The following EAF2 variants were observed in gnomAD, a reference collection of about 807,000 sequenced individuals.
EAF2 encodes ELL-associated factor 2.
In EAF2, 29 loss-of-function variants were observed where a neutral mutation model predicts 29.4. The observed-to-expected ratio is 0.99, with a 90% CI of 0.73 to 1.35. The LOEUF is 1.35. EAF2 is among the 40% of genes most tolerant of loss of function. The probability of loss-of-function intolerance (pLI) is 0.00; values close to 1 mark genes in which losing one functional copy is unlikely to be tolerated. For synonymous variants in EAF2, 103 were observed against 102.5 expected (o/e 1.00, Z -0.03); for missense variants, 292 against 312.0 (o/e 0.94, Z 0.48).
chr3:121,871,734 A>G (rs1709017971), intron 4 of EAF2, among the ~76,000 whole-genome samples: 1 of 152,000 alleles, frequency 6.6e-6, no homozygotes, highest in Admixed American at 6.6e-5. Context: ...TTATTCACTT[A>G]GCATTTTTTG....
intron 2 of EAF2, among the ~76,000 whole-genome samples, chr3:121,853,350 G>A (rs1020530270): frequency 1.3e-5 from 2 of 152,138 alleles, no homozygotes; most frequent in African/African-American, 4.8e-5. Context: ...TTTCTACATT[G>A]TATTTGAATA....
chr3:121,882,647 C>T (rs1286523555), intron 5 of EAF2, among the ~76,000 whole-genome samples: 1 of 151,942 alleles, frequency 6.6e-6, no homozygotes, highest in Non-Finnish European at 1.5e-5. Context: ...TGTAAATTAT[C>T]TACATAGGAA....
intron 4 of EAF2, among the ~76,000 whole-genome samples, chr3:121,867,488 TA>T (rs909701328): frequency 6.6e-6 from 1 of 152,188 alleles, no homozygotes; most frequent in African/African-American, 2.4e-5. Flanking sequence ...AGGAGTGGCA[TA>T]ATATATTTCA....
chr3:121,836,413 T>C (rs1708284904), intron 1 of EAF2, among the ~76,000 whole-genome samples: 1 of 152,240 alleles, frequency 6.6e-6, no homozygotes, highest in African/African-American at 2.4e-5. Context: ...AATTAAAGCA[T>C]ACATTCTCCC....
At chr3:121,884,321 CAA>C (rs1199833589) in intron 5 of EAF2, among the ~76,000 whole-genome samples, 1 of 93,366 alleles carries the variant, frequency 1.1e-5, no homozygotes. Flanking sequence ...GCCTGGGTGA[CAA>C]GAGTGAAACT....
rs376595504 is a variant in EAF2, at chr3:121,844,487, T to C, written c.141T>C (p.Ser47=). The C allele has an allele frequency of 3.7e-6, 6 of 1,610,340 alleles. No homozygotes were observed. In the African/African-American group the frequency reaches 5.4e-5, roughly 14 times the overall value. ...AACCTGCTTCTATTGACACTTCTTC[T>C]GAAGGATACCTTGAGGTTGGTGAAG... is the stretch of plus-strand genomic sequence containing the variant. The part of the protein sequence containing the change: ...DFKPASIDTS[S]EGYLEVGEGE... Residue 47 remains serine (S), a synonymous_variant, in exon 2 of 6, where the codon TCT becomes TCC. Transcript: ENST00000273668.
chr3:121,840,502 AAAAAAAG>A lies in EAF2; in HGVS notation c.107-3944_107-3938del, dbSNP rs1286960692. On this transcript the variant is annotated intron_variant, in intron 1 of 5. Transcript: ENST00000273668. ...GAGACTTCGTCTAAAAAAAAAAAAA[AAAAAAAG>A]AAAAAAAAAAAACGGGCCGGGTGCG... Among the ~76,000 whole-genome samples, 31 of 75,552 alleles carry A rather than the reference AAAAAAAG, an allele frequency of 4.1e-4. 2 individuals are homozygous for A. The highest frequency in any genetic ancestry group is 6.3e-4 in the South Asian group (2 of 3,160). 49.6% of individuals were successfully genotyped at this position (75,552 alleles called of 152,430 possible). A position where few individuals can be genotyped will look rare whatever the true frequency, so the allele number is the denominator to read the frequency against.
At chr3:121,837,446 T>C (rs924595806) in intron 1 of EAF2, 2 of 152,212 alleles carry the variant, frequency 1.3e-5, no homozygotes, top group Non-Finnish European at 2.9e-5. Flanking sequence ...CTGTCTGATA[T>C]AAGACTTCAG....
chr3:121,856,652 T>G (rs1708723996), intron 3 of EAF2, among the ~76,000 whole-genome samples: 2 of 152,040 alleles, frequency 1.3e-5, no homozygotes, highest in Non-Finnish European at 2.9e-5. Flanking sequence ...CTAATATTTT[T>G]ATTATTTTTA....
At chr3:121,866,458 G>T (rs577202207) in intron 4 of EAF2, among the ~76,000 whole-genome samples, 6 of 152,278 alleles carry the variant, frequency 3.9e-5, no homozygotes, top group African/African-American at 1.4e-4. Flanking sequence ...GGGTGCGGTG[G>T]CTCACATCTG....
At position 121,886,496 on chromosome 3, in the gene EAF2, A is replaced by C; in HGVS notation, c.*108A>C. ...GAAATATGTCTTAACTTTTGATGAT[A>C]AAAGAAATTAAATTTGATTCAGAAA... On this transcript the variant is annotated 3_prime_UTR_variant, in exon 6 of 6. Transcript: ENST00000273668. 1.9e-6 allele frequency: 1 copy of C among 517,276 alleles called. No homozygotes were observed. The highest frequency in any genetic ancestry group is 3.0e-6 in the Non-Finnish European group (1 of 329,082). 32.0% of individuals were successfully genotyped at this position (517,276 alleles called of 1,614,324 possible).
rs71133578 is a variant in EAF2, at chr3:121,845,459, A to AAAAAAAAAAAAAG, written c.201+915_201+916insAAAAAAAAAGAAA. ...ACATCTCAAAAAAAAAAAAAAAAAA[A>AAAAAAAAAAAAAG]AAAGAAAGAAAGAAAAAGAAAAAGA... is the stretch of plus-strand genomic sequence containing the variant. On this transcript the variant is annotated intron_variant, in intron 2 of 5. Transcript: ENST00000273668. Among the ~76,000 whole-genome samples the AAAAAAAAAAAAAG allele has an allele frequency of 2.9e-3, 284 of 96,522 alleles. 1 individual carries two copies. Among genetic ancestry groups the AAAAAAAAAAAAAG allele is most frequent in the Admixed American group, 3.6e-3 (27 of 7,482 alleles). The allele number at this position is 96,522 out of a possible 152,430, so 63.3% of individuals were successfully genotyped here. A position where few individuals can be genotyped will look rare whatever the true frequency, so the allele number is the denominator to read the frequency against.
At chr3:121,843,785 A>C (rs1463803915) in intron 1 of EAF2, among the ~76,000 whole-genome samples, 1 of 152,158 alleles carries the variant, frequency 6.6e-6, no homozygotes. Flanking sequence ...ATTGTATTTT[A>C]AGATCTTCTA....
chr3:121,884,993 T>C (rs149506089), intron 5 of EAF2, among the ~76,000 whole-genome samples: 1 of 152,338 alleles, frequency 6.6e-6, no homozygotes, highest in East Asian at 1.9e-4. Flanking sequence ...TATTTCTAGG[T>C]CCAGCCTCTA....
chr3:121,854,608 C>A, intron 2 of EAF2, 79 bp from the exon 3 acceptor site: 1 of 1,226,526 alleles, frequency 8.2e-7, no homozygotes, highest in Non-Finnish European at 1.1e-6. Flanking sequence ...AGGAGAAACC[C>A]AGAATCAAGA....
At chr3:121,882,691 A>C (rs1018156723) in intron 5 of EAF2, among the ~76,000 whole-genome samples, 7 of 152,204 alleles carry the variant, frequency 4.6e-5, no homozygotes, top group African/African-American at 1.7e-4. Context: ...AGAACTAATA[A>C]AATAATTTGG....
intron 4 of EAF2, among the ~76,000 whole-genome samples, chr3:121,862,884 G>A (rs1227095100): frequency 6.6e-6 from 1 of 152,188 alleles, no homozygotes; most frequent in African/African-American, 2.4e-5. Flanking sequence ...TGGTGTGGAT[G>A]TCCTTTCTGT....
At chr3:121,842,321 C>A (rs184217915) in intron 1 of EAF2, among the ~76,000 whole-genome samples, 7 of 152,266 alleles carry the variant, frequency 4.6e-5, no homozygotes, top group African/African-American at 1.7e-4. Context: ...CTGTATATAT[C>A]CATATTAAAT....
Position 121,835,210 on chromosome 3 carries a change from A to C in EAF2, c.-76A>C. On this transcript the variant is annotated 5_prime_UTR_variant, in exon 1 of 6. Coordinates refer to ENST00000273668, the MANE Select transcript of EAF2 (RefSeq NM_018456.6). ...CTGGGTGACTTGGCTGGCGGGATCA[A>C]GTGCAGCTGCTTCAGGCTGAGGTGG... 1 of 1,416,808 alleles carries C rather than the reference A, an allele frequency of 7.1e-7. No homozygotes were observed. Among genetic ancestry groups the C allele is most frequent in the Non-Finnish European group, 1.0e-6 (1 of 1,003,210 alleles). The allele number at this position is 1,416,808 out of a possible 1,614,324, so 87.8% of individuals were successfully genotyped here. A position where few individuals can be genotyped will look rare whatever the true frequency, so the allele number is the denominator to read the frequency against.
Sources: allele counts gnomAD v4.1 joint callset (sites outside exome capture counted in the v4.1 genomes callset), GRCh38; gene constraint gnomAD v4.1.1; transcripts MANE v1.5; gene names NCBI Gene and HGNC (gene_info 2026-07-23, HGNC 2026-07-21).